The following MRTFB variants were observed in gnomAD, a reference collection of about 807,000 sequenced individuals.
The protein encoded by MRTFB is myocardin-related transcription factor B.
MRTFB carries 29 observed loss-of-function variants against 104.2 expected under a neutral mutation model. The observed-to-expected ratio is 0.28, with a 90% CI of 0.21 to 0.38. The LOEUF is 0.38. Among genes scored for constraint, MRTFB ranks in the 10% least tolerant of loss-of-function variants. The pLI, the probability that MRTFB is intolerant of heterozygous loss-of-function variation, is 1.00. For missense variants in MRTFB, 1,270 were observed against 1,341.6 expected (o/e 0.95, Z 0.83); for synonymous variants, 535 against 519.5 (o/e 1.03, Z -0.41).
rs766685183 is a variant in MRTFB at position 14,246,658 on chromosome 16, G to A, written c.1398G>A (p.Pro466=). 88 of 1,614,074 alleles carry A rather than the reference G, an allele frequency of 5.5e-5. No individual in the cohort carries two copies. The highest frequency in any genetic ancestry group is 1.2e-4 in the South Asian group (11 of 91,062). ...ACCCAGAAGTCACTGTGGCCTTGCC[G>A]GTTACAACACTACACAACACTGTGA... ...TSNPEVTVAL[P]VTTLHNTVTS... Residue 466 remains proline (P), a synonymous_variant, in exon 12 of 17, where the codon CCG becomes CCA. Coordinates refer to ENST00000571589, the MANE Select transcript of MRTFB (RefSeq NM_001308142.2).
At chr16:14,067,960 T>C (rs1436135072), upstream of MRTFB, among the ~76,000 whole-genome samples, 2 of 152,112 alleles carry the variant, frequency 1.3e-5, no homozygotes, top group African/African-American at 2.4e-5. Flanking sequence ...GCATCCCAAG[T>C]AGCTGAGACT....
At chr16:14,091,920 G>A (rs1031389408) in intron 2 of MRTFB, among the ~76,000 whole-genome samples, 5 of 150,170 alleles carry the variant, frequency 3.3e-5, no homozygotes, top group African/African-American at 4.9e-5. Flanking sequence ...GCTTGAACCC[G>A]GGAGGCGGAG....
chr16:14,125,266 C>T (rs1856887135), intron 2 of MRTFB, among the ~76,000 whole-genome samples: 1 of 152,230 alleles, frequency 6.6e-6, no homozygotes, highest in African/African-American at 2.4e-5. Flanking sequence ...CTTGAGGCCA[C>T]CTCGGCAAGG....
chr16:14,040,883 G>A, the MRTFB span, among the ~76,000 whole-genome samples: 1,451 of 152,336 alleles, frequency 9.5e-3, 8 homozygotes, highest in Non-Finnish European at 0.014. Flanking sequence ...GGAGACCAAA[G>A]GAGGAGAATC....
chr16:14,258,195 A>T, intron 16 of MRTFB, 34 bp downstream of exon 16: 1 of 1,584,070 alleles, frequency 6.3e-7, no homozygotes, highest in Non-Finnish European at 8.7e-7. Context: ...CCTCCCAGGA[A>T]GTCATCTCTT....
the MRTFB span, among the ~76,000 whole-genome samples, chr16:14,003,070 T>G: frequency 6.6e-6 from 1 of 152,150 alleles, no homozygotes; most frequent in Non-Finnish European, 1.5e-5. Context: ...CTCCCTCCCC[T>G]TGAGGGGCCA....
intron 8 of MRTFB, among the ~76,000 whole-genome samples, chr16:14,225,928 G>C (rs1379215468): frequency 1.3e-5 from 2 of 152,312 alleles, no homozygotes; most frequent in South Asian, 2.1e-4. Flanking sequence ...TAGGCATTGT[G>C]TAAAGACCTT....
At chr16:14,254,368 C>A (rs2043388643) in intron 15 of MRTFB, among the ~76,000 whole-genome samples, 1 of 152,218 alleles carries the variant, frequency 6.6e-6, no homozygotes, top group Non-Finnish European at 1.5e-5. Context: ...GGTGGGGAAT[C>A]CACACTCAGG....
chr16:14,129,372 G>T (rs1159685507), intron 2 of MRTFB, among the ~76,000 whole-genome samples: 1 of 152,032 alleles, frequency 6.6e-6, no homozygotes, highest in South Asian at 2.1e-4. Flanking sequence ...AATTTCATCC[G>T]TGTTGTATGA....
chr16:14,240,952 G>A, intron 10 of MRTFB: 1 of 588,062 alleles, frequency 1.7e-6, no homozygotes, highest in Non-Finnish European at 3.0e-6. Context: ...GTGAGCACTA[G>A]TACAGAGGAA....
intron 1 of MRTFB, among the ~76,000 whole-genome samples, chr16:14,076,256 A>G (rs1273451810): frequency 6.6e-6 from 1 of 152,094 alleles, no homozygotes; most frequent in Admixed American, 6.5e-5. Flanking sequence ...CAGTGGCACC[A>G]TCTCAGCTCA....
At chr16:14,216,975 T>C (rs562411806) in intron 6 of MRTFB, 151 bp from the exon 7 acceptor site, 1 of 769,988 alleles carries the variant, frequency 1.3e-6, no homozygotes, top group South Asian at 3.2e-5. Context: ...TACTGGAGAA[T>C]TCTTAAACAG....
the MRTFB span, among the ~76,000 whole-genome samples, chr16:14,051,939 C>A: frequency 6.6e-6 from 1 of 152,182 alleles, no homozygotes; most frequent in African/African-American, 2.4e-5. Context: ...CCTTTACATG[C>A]CTTCCCTCTC....
chr16:14,004,660 C>T, the MRTFB span, among the ~76,000 whole-genome samples: 102 of 152,172 alleles, frequency 6.7e-4, 1 homozygote, highest in African/African-American at 2.3e-3. Flanking sequence ...GGACTGCAAC[C>T]TTCCCAAAAC....
At chr16:14,234,119 C>T in intron 8 of MRTFB, 27 bp from the exon 9 acceptor site, 1 of 1,606,816 alleles carries the variant, frequency 6.2e-7, no homozygotes, top group Non-Finnish European at 8.5e-7. Flanking sequence ...ATTTCACAGA[C>T]TTGTTCCTTT....
chr16:14,022,979 A>C, the MRTFB span, among the ~76,000 whole-genome samples: 20 of 150,570 alleles, frequency 1.3e-4, 1 homozygote, highest in Non-Finnish European at 2.7e-4. Flanking sequence ...TATAGGCGTG[A>C]GCCACTGTGC....
the MRTFB span, among the ~76,000 whole-genome samples, chr16:14,007,880 A>T: frequency 1.7e-4 from 26 of 152,252 alleles, no homozygotes; most frequent in Middle Eastern, 3.4e-3. Context: ...TCTTCTTTGG[A>T]GAAACGTCTA....
intron 3 of MRTFB, among the ~76,000 whole-genome samples, chr16:14,176,644 T>G (rs2039592315): frequency 6.6e-6 from 1 of 152,224 alleles, no homozygotes; most frequent in Non-Finnish European, 1.5e-5. Context: ...TTAAAAAATC[T>G]GCTGTTCTGC....
chr16:14,233,129 C>A (rs150260399), intron 8 of MRTFB, among the ~76,000 whole-genome samples: 13 of 152,194 alleles, frequency 8.5e-5, no homozygotes, highest in African/African-American at 3.1e-4. Flanking sequence ...TCTGTAGCTT[C>A]CTTTGTTAAT....
Sources: allele counts gnomAD v4.1 joint callset (sites outside exome capture counted in the v4.1 genomes callset), GRCh38; gene constraint gnomAD v4.1.1; transcripts MANE v1.5; gene names NCBI Gene and HGNC (gene_info 2026-07-23, HGNC 2026-07-21).